Variants in MRPL42 observed in about 807,000 individuals in gnomAD.
MRPL42 encodes the protein mitochondrial ribosomal protein L42.
In MRPL42, 17 loss-of-function variants were observed where a neutral mutation model predicts 17.9. The observed-to-expected ratio is 0.95, with a 90% CI of 0.65 to 1.42. The LOEUF is 1.42. Among genes scored for constraint, MRPL42 ranks in the 40% most tolerant of loss-of-function variants. The pLI is 0.00. For synonymous variants in MRPL42, 59 were observed against 54.4 expected, an observed-to-expected ratio of 1.08 and a Z score of -0.37; for missense variants, 177 against 175.2, an observed-to-expected ratio of 1.01 and a Z score of -0.06.
At chr12:93,480,831 C>T (rs142495762) in intron 4 of MRPL42, among the ~76,000 whole-genome samples, 78 of 151,696 alleles carry the variant, frequency 5.1e-4, no homozygotes, top group African/African-American at 1.6e-3. Flanking sequence ...TGAGCCACCG[C>T]GCCCGACAAA....
chr12:93,494,982 G>A (rs536077277), intron 5 of MRPL42, among the ~76,000 whole-genome samples: 1 of 152,340 alleles, frequency 6.6e-6, no homozygotes, highest in East Asian at 1.9e-4. Flanking sequence ...ACCAGCTTGT[G>A]CACTGGGAAA....
At chr12:93,471,743 G>C (rs1040817065) in intron 2 of MRPL42, among the ~76,000 whole-genome samples, 32 of 152,032 alleles carry the variant, frequency 2.1e-4, no homozygotes, top group South Asian at 1.7e-3. Flanking sequence ...AAATAGAACA[G>C]GACATTGCTT....
chr12:93,515,079 A>G lies in MRPL42; in HGVS notation c.*13858A>G, dbSNP rs1396715411. ...AAGAAAAAAGTTTATTTTCATTGCT[A>G]ACCTCACTGATTTTTAATTTTACCA... On this transcript the variant is annotated 3_prime_UTR_variant, in exon 6 of 6. Transcript: ENST00000549982. 1 of 152,158 alleles carries G rather than the reference A, an allele frequency of 6.6e-6. No homozygotes were observed. Among genetic ancestry groups the G allele is most frequent in the Non-Finnish European group, 1.5e-5 (1 of 68,036 alleles). The allele number at this position is 152,158 out of a possible 1,614,324, so 9.4% of individuals were successfully genotyped here.
chr12:93,480,409 C>A lies in MRPL42; in HGVS notation c.219+937C>A, dbSNP rs111628806. Among the ~76,000 whole-genome samples the A allele has an allele frequency of 9.1e-3, 1,387 of 152,054 alleles. 21 individuals carry two copies. The highest frequency in any genetic ancestry group is 0.032 in the African/African-American group (1,323 of 41,474). On this transcript the variant is annotated intron_variant, in intron 4 of 5. Coordinates refer to ENST00000549982, the MANE Select transcript of MRPL42 (RefSeq NM_014050.4). ...GCGCTGGGATTACAGGCATGAGCCA[C>A]CGTGCCCGGCCTTGATTTGCTTTTT...
chr12:93,477,968 T>C (rs548899488), intron 3 of MRPL42, among the ~76,000 whole-genome samples: 235 of 151,770 alleles, frequency 1.5e-3, no homozygotes, highest in Non-Finnish European at 1.9e-3. Context: ...TGACCTTTTA[T>C]TTTTGTGAGA....
At chr12:93,481,446 T>C (rs1398761099) in intron 4 of MRPL42, among the ~76,000 whole-genome samples, 1 of 152,238 alleles carries the variant, frequency 6.6e-6, no homozygotes, top group Non-Finnish European at 1.5e-5. Context: ...TTTCTAGCTT[T>C]GTAGCTTGTA....
chr12:93,469,125 C>G (rs1424041039), intron 1 of MRPL42, 67 bp from the exon 2 acceptor site: 2 of 551,068 alleles, frequency 3.6e-6, no homozygotes, highest in Non-Finnish European at 6.3e-6. Flanking sequence ...TTACCTTGTT[C>G]TTGTGGTGTT....
chr12:93,510,582 A>G lies in MRPL42; in HGVS notation c.*9361A>G, dbSNP rs998153580. ...CCACCAGCAGTGAATAAGGGTTCCT[A>G]TTGCTCAACATCCCTGTCAGCACTT... is the stretch of plus-strand genomic sequence containing the variant. On this transcript the variant is annotated 3_prime_UTR_variant, in exon 6 of 6. Coordinates refer to ENST00000549982, the MANE Select transcript of MRPL42 (RefSeq NM_014050.4). The G allele has an allele frequency of 1.3e-5, 2 of 152,188 alleles. No homozygotes were observed. The highest frequency in any genetic ancestry group is 1.9e-4 in the East Asian group (1 of 5,194). The allele number at this position is 152,188 out of a possible 1,614,324, so 9.4% of individuals were successfully genotyped here.
Position 93,469,195 on chromosome 12 carries a change from T to G in MRPL42, c.-91T>G. 1.1e-6 allele frequency: 1 copy of G among 943,990 alleles called. No individual in the cohort carries two copies. The highest frequency in any genetic ancestry group is 1.6e-6 in the Non-Finnish European group (1 of 614,926). 58.5% of individuals were successfully genotyped at this position (943,990 alleles called of 1,614,324 possible). ...TTTTTCTTTATCTCTTCAGCAGGAG[T>G]AGAAATTGGTATGCTTAGAAGCAGA... On this transcript the variant is annotated 5_prime_UTR_variant, in exon 2 of 6. Coordinates refer to ENST00000549982, the MANE Select transcript of MRPL42 (RefSeq NM_014050.4).
Position 93,506,145 on chromosome 12 carries a change from C to G in MRPL42, c.*4924C>G, listed in dbSNP as rs1953666459. 2.0e-5 allele frequency: 3 copies of G among 151,860 alleles called. No homozygotes were observed. The highest frequency in any genetic ancestry group is 7.3e-5 in the African/African-American group (3 of 41,196). The allele number at this position is 151,860 out of a possible 1,614,324, so 9.4% of individuals were successfully genotyped here. On this transcript the variant is annotated 3_prime_UTR_variant, in exon 6 of 6. Coordinates refer to ENST00000549982, the MANE Select transcript of MRPL42 (RefSeq NM_014050.4). ...GTTTCACCACGTTGGCCAGGCTGGTCTTGAACTCCTGACCTCAGGTGATCT... is the reference window on the plus strand; with the variant it reads ...GTTTCACCACGTTGGCCAGGCTGGTGTTGAACTCCTGACCTCAGGTGATCT...
At chr12:93,482,121 A>G (rs12424247) in intron 4 of MRPL42, among the ~76,000 whole-genome samples, 43,394 of 151,994 alleles carry the variant, frequency 0.29, 7,344 homozygotes, top group Non-Finnish European at 0.39. Flanking sequence ...CCACAACTCC[A>G]GCTGTTCTTC....
chr12:93,495,960 A>G (rs1477179088), intron 5 of MRPL42, among the ~76,000 whole-genome samples: 1 of 152,208 alleles, frequency 6.6e-6, no homozygotes, highest in Non-Finnish European at 1.5e-5. Flanking sequence ...ATTAGGTGAG[A>G]TAGTATTCCA....
Position 93,515,640 on chromosome 12 carries a change from A to G in MRPL42, c.*14419A>G, listed in dbSNP as rs1186854574. ...CGCGTCGGCCTCCCAAAGGGCTGGG[A>G]TTACAGACATCAGCCACTGCACCTG... is the stretch of plus-strand genomic sequence containing the variant. On this transcript the variant is annotated 3_prime_UTR_variant, in exon 6 of 6. Coordinates refer to ENST00000549982, the MANE Select transcript of MRPL42 (RefSeq NM_014050.4). 2.0e-5 allele frequency: 3 copies of G among 152,212 alleles called. No homozygotes were observed. The highest frequency in any genetic ancestry group is 4.4e-5 in the Non-Finnish European group (3 of 68,080). The allele number at this position is 152,212 out of a possible 1,614,324, so 9.4% of individuals were successfully genotyped here.
In MRPL42 at chr12:93,512,615, AAAGCAAAAGGTAG is replaced by A. The variant is rs1344865919; in HGVS notation, c.*11399_*11411del. 4 of 152,628 alleles carry A rather than the reference AAAGCAAAAGGTAG, an allele frequency of 2.6e-5. No homozygotes were observed. The East Asian group carries it at 7.7e-4, about 29-fold the overall frequency. The allele number at this position is 152,628 out of a possible 1,614,324, so 9.5% of individuals were successfully genotyped here. ...TAATGGCAGATAAAATCAAAGAGCA[AAAGCAAAAGGTAG>A]AAGCTTGAAAGACCAGAGTTGCTAC... is the stretch of plus-strand genomic sequence containing the variant. On this transcript the variant is annotated 3_prime_UTR_variant, in exon 6 of 6. Coordinates refer to ENST00000549982, the MANE Select transcript of MRPL42 (RefSeq NM_014050.4).
At chr12:93,474,092 A>G (rs760445416) in intron 2 of MRPL42, among the ~76,000 whole-genome samples, 1 of 152,114 alleles carries the variant, frequency 6.6e-6, no homozygotes, top group Non-Finnish European at 1.5e-5. Flanking sequence ...GCACAAACAA[A>G]TGTCTGTGTA....
rs1953592689 is a variant in MRPL42, at chr12:93,501,401, T to C, written c.*180T>C. ...TTTGACATTCTCATTTAGAGAAACC[T>C]ATTTTCTTTTTTCTTTTTCTATTTT... On this transcript the variant is annotated 3_prime_UTR_variant, in exon 6 of 6. Coordinates refer to ENST00000549982, the MANE Select transcript of MRPL42 (RefSeq NM_014050.4). 2.4e-6 allele frequency: 1 copy of C among 419,138 alleles called. No homozygotes were observed. Among genetic ancestry groups the C allele is most frequent in the South Asian group, 9.6e-5 (1 of 10,414 alleles). 26.0% of individuals were successfully genotyped at this position (419,138 alleles called of 1,614,324 possible). A position where few individuals can be genotyped will look rare whatever the true frequency, so the allele number is the denominator to read the frequency against.
chr12:93,506,586 T>A lies in MRPL42; in HGVS notation c.*5365T>A, dbSNP rs1392942817. The A allele has an allele frequency of 6.6e-6, 1 of 152,104 alleles. No individual in the cohort carries two copies. The highest frequency in any genetic ancestry group is 1.5e-5 in the Non-Finnish European group (1 of 68,064). The allele number at this position is 152,104 out of a possible 1,614,324, so 9.4% of individuals were successfully genotyped here. A position where few individuals can be genotyped will look rare whatever the true frequency, so the allele number is the denominator to read the frequency against. The stretch of plus-strand genomic sequence containing the variant: ...GGCCAAGAATGTCTTTTCTTTATAA[T>A]GTTGTCTCTAAGCATGTAATCTTTT... On this transcript the variant is annotated 3_prime_UTR_variant, in exon 6 of 6. Transcript: ENST00000549982.
intron 2 of MRPL42, among the ~76,000 whole-genome samples, chr12:93,474,345 G>C (rs997958626): frequency 2.0e-5 from 3 of 151,672 alleles, no homozygotes; most frequent in African/African-American, 7.3e-5. Flanking sequence ...CAACTATGTT[G>C]CCCAGGCTGG....
intron 4 of MRPL42, among the ~76,000 whole-genome samples, chr12:93,484,058 C>T (rs552649407): frequency 4.4e-4 from 67 of 152,206 alleles, no homozygotes; most frequent in African/African-American, 1.4e-3. Flanking sequence ...CAGTAACATG[C>T]CTGGAGCTGT....
Sources: allele counts gnomAD v4.1 joint callset (sites outside exome capture counted in the v4.1 genomes callset), GRCh38; gene constraint gnomAD v4.1.1; transcripts MANE v1.5; gene names NCBI Gene and HGNC (gene_info 2026-07-23, HGNC 2026-07-21).